LHFPL6: variants seen among roughly 807,000 people sequenced by gnomAD.
The protein encoded by LHFPL6 is LHFPL tetraspan subfamily member 6.
A neutral mutation model predicts 20.6 loss-of-function variants in LHFPL6; 9 were observed. That is an observed-to-expected ratio of 0.44 (90% confidence interval 0.26 to 0.76). The LOEUF is 0.76. LHFPL6 is among the 30% of genes least tolerant of loss of function. LHFPL6 has a pLI of 0.20. For synonymous variants in LHFPL6, 105 were observed against 98.7 expected (o/e 1.06, Z -0.38); for missense variants, 218 against 253.5 (o/e 0.86, Z 0.95).
At chr13:39,353,333 T>A (rs987702731) in intron 3 of LHFPL6, among the ~76,000 whole-genome samples, 4 of 152,122 alleles carry the variant, frequency 2.6e-5, no homozygotes, top group Non-Finnish European at 4.4e-5. Flanking sequence ...ATTTGTCATA[T>A]GCCTATAAAG....
chr13:39,403,651 T>C (rs989976975), intron 2 of LHFPL6, among the ~76,000 whole-genome samples: 1 of 152,224 alleles, frequency 6.6e-6, no homozygotes, highest in Non-Finnish European at 1.5e-5. Context: ...ACTTTGCCAA[T>C]AGCCAATAAA....
chr13:39,582,583 C>A (rs926122191), intron 2 of LHFPL6, among the ~76,000 whole-genome samples: 8 of 152,170 alleles, frequency 5.3e-5, no homozygotes, highest in African/African-American at 1.9e-4. Context: ...TCTGAACGTA[C>A]CCTTGCCTGG....
chr13:39,551,281 G>A (rs1199792453), intron 2 of LHFPL6, among the ~76,000 whole-genome samples: 2 of 152,060 alleles, frequency 1.3e-5, no homozygotes, highest in Admixed American at 1.3e-4. Context: ...ACTGGTGGGT[G>A]GCAGAAGTGA....
At chr13:39,544,777 A>G (rs1870923456) in intron 2 of LHFPL6, among the ~76,000 whole-genome samples, 1 of 152,158 alleles carries the variant, frequency 6.6e-6, no homozygotes, top group Non-Finnish European at 1.5e-5. Flanking sequence ...AATGAACTGG[A>G]TGGCAAAAAC....
chr13:39,597,153 CATTTCATATGT>C (rs1872795669), intron 2 of LHFPL6, among the ~76,000 whole-genome samples: 1 of 152,188 alleles, frequency 6.6e-6, no homozygotes, highest in Non-Finnish European at 1.5e-5. Context: ...ATTCCACACG[CATTTCATATGT>C]ATATATGACT....
At chr13:39,437,901 C>CA (rs71077298) in intron 2 of LHFPL6, among the ~76,000 whole-genome samples, 108,075 of 133,340 alleles carry the variant, frequency 0.81, 44,048 homozygotes, top group Non-Finnish European at 0.89. Context: ...GACTCCGTCT[C>CA]AAAAAAAAAA....
Position 39,501,334 on chromosome 13 carries a change from T to C in LHFPL6, c.385+99498A>G, listed in dbSNP as rs961840071. 2.0e-5 allele frequency among the ~76,000 whole-genome samples: 3 copies of C among 152,208 alleles called. No homozygotes were observed. The East Asian group carries it at 5.8e-4, about 29-fold the overall frequency. On this transcript the variant is annotated intron_variant, in intron 2 of 3. Coordinates refer to ENST00000379589, the MANE Select transcript of LHFPL6 (RefSeq NM_005780.3). ...TCACGCTATCCTTTCTCGTATCTTA[T>C]TCTATTACTTTGCGCTACAGTGTTT...
chr13:39,395,503 TCACAG>T (rs1183642058), intron 2 of LHFPL6, among the ~76,000 whole-genome samples: 1 of 152,156 alleles, frequency 6.6e-6, no homozygotes, highest in African/African-American at 2.4e-5. Flanking sequence ...GCCAGGGAGA[TCACAG>T]CCTCCCAAAG....
At chr13:39,384,223 A>G (rs1870509257) in intron 2 of LHFPL6, among the ~76,000 whole-genome samples, 1 of 152,144 alleles carries the variant, frequency 6.6e-6, no homozygotes, top group African/African-American at 2.4e-5. Flanking sequence ...TAATTATTAA[A>G]CTTCTGGGGC....
intron 3 of LHFPL6, among the ~76,000 whole-genome samples, chr13:39,353,575 A>G (rs996598847): frequency 7.2e-5 from 11 of 151,976 alleles, no homozygotes; most frequent in African/African-American, 2.7e-4. Context: ...AAAAAACCAA[A>G]AAATTAGCCA....
At chr13:39,434,103 A>G (rs1372824161) in intron 2 of LHFPL6, among the ~76,000 whole-genome samples, 1 of 152,216 alleles carries the variant, frequency 6.6e-6, no homozygotes, top group African/African-American at 2.4e-5. Context: ...GCTCAGAGGC[A>G]GCATGGGTCT....
intron 2 of LHFPL6, among the ~76,000 whole-genome samples, chr13:39,540,284 G>A (rs1296031891): frequency 6.6e-6 from 1 of 151,942 alleles, no homozygotes; most frequent in Non-Finnish European, 1.5e-5. Flanking sequence ...CCATATTAGA[G>A]TCTTCTAATT....
At chr13:39,459,352 A>G (rs1232826274) in intron 2 of LHFPL6, among the ~76,000 whole-genome samples, 2 of 150,420 alleles carry the variant, frequency 1.3e-5, no homozygotes, top group African/African-American at 4.9e-5. Flanking sequence ...CCTTAATTCT[A>G]TTTCATGGTT....
chr13:39,560,698 T>C (rs79038111), intron 2 of LHFPL6, among the ~76,000 whole-genome samples: 13,329 of 151,898 alleles, frequency 0.088, 694 homozygotes, highest in East Asian at 0.24. Context: ...TTTGTATTTT[T>C]AGTAGAGACG....
chr13:39,508,289 T>A (rs1869561825), intron 2 of LHFPL6, among the ~76,000 whole-genome samples: 1 of 152,158 alleles, frequency 6.6e-6, no homozygotes, highest in Non-Finnish European at 1.5e-5. Context: ...CCTCCCAAAG[T>A]GCTGGGATTA....
At chr13:39,536,122 G>C (rs1870610590) in intron 2 of LHFPL6, among the ~76,000 whole-genome samples, 1 of 152,168 alleles carries the variant, frequency 6.6e-6, no homozygotes, top group Non-Finnish European at 1.5e-5. Flanking sequence ...TTCACAAGCA[G>C]CAAGTAGTAA....
intron 2 of LHFPL6, among the ~76,000 whole-genome samples, chr13:39,381,446 T>C (rs1870434225): frequency 6.6e-6 from 1 of 152,096 alleles, no homozygotes; most frequent in South Asian, 2.1e-4. Flanking sequence ...ACCCACTTTC[T>C]TTTTCTTCCT....
intron 2 of LHFPL6, among the ~76,000 whole-genome samples, chr13:39,542,710 T>C (rs1304180260): frequency 1.3e-5 from 2 of 152,210 alleles, no homozygotes; most frequent in African/African-American, 4.8e-5. Context: ...CATGATTTAA[T>C]CAACTTTCTC....
rs1441566883 is a variant in LHFPL6 at position 39,572,288 on chromosome 13, C to CTCTCTGTG, written c.385+28543_385+28544insCACAGAGA. Among the ~76,000 whole-genome samples, 521 of 143,500 alleles carry CTCTCTGTG rather than the reference C, an allele frequency of 3.6e-3. 2 individuals carry two copies. The highest frequency in any genetic ancestry group is 0.012 in the East Asian group (59 of 4,770). The allele number at this position is 143,500 out of a possible 152,430, so 94.1% of individuals were successfully genotyped here. A position where few individuals can be genotyped will look rare whatever the true frequency, so the allele number is the denominator to read the frequency against. On this transcript the variant is annotated intron_variant, in intron 2 of 3. Transcript: ENST00000379589. ...GCCGTGGTAGTATATTTTTTAAACT[C>CTCTCTGTG]TGTGTGTGTGTGTGTGTGTGTGTGT...
Sources: allele counts gnomAD v4.1 joint callset (sites outside exome capture counted in the v4.1 genomes callset), GRCh38; gene constraint gnomAD v4.1.1; transcripts MANE v1.5; gene names NCBI Gene and HGNC (gene_info 2026-07-23, HGNC 2026-07-21).